METTL2B: variants seen among roughly 807,000 people sequenced by gnomAD.
The protein encoded by METTL2B is tRNA N(3)-cytidine methyltransferase METTL2B.
In METTL2B, 28 loss-of-function variants were observed where a neutral mutation model predicts 51.0. The observed-to-expected ratio is 0.55, with a 90% confidence interval of 0.41 to 0.75. The LOEUF (loss-of-function observed/expected upper bound fraction) is 0.75. METTL2B is among the 30% of genes least tolerant of loss of function. METTL2B has a pLI of 0.00. For missense variants in METTL2B, 313 were observed against 460.7 expected (o/e 0.68, Z 2.93); for synonymous variants, 128 against 166.3 (o/e 0.77, Z 1.77).
At position 128,500,988 on chromosome 7, in the gene METTL2B, T is replaced by C; in HGVS notation, c.982+20T>C. The C allele has an allele frequency of 2.5e-6, 4 of 1,614,026 alleles. No homozygotes were observed. Among genetic ancestry groups the C allele is most frequent in the Non-Finnish European group, 3.4e-6 (4 of 1,179,958 alleles). Reference sequence around the variant, plus strand: ...CACAAGGTATGAAACACTCATCTTTTTACGCTAAAAGTCCCCAGTACCAGA... The same window carrying C: ...CACAAGGTATGAAACACTCATCTTTCTACGCTAAAAGTCCCCAGTACCAGA... On this transcript the variant is annotated intron_variant, in intron 8 of 8. Transcript: ENST00000262432.
At chr7:128,495,312 A>G (rs1338524180) in intron 6 of METTL2B, among the ~76,000 whole-genome samples, 2 of 152,258 alleles carry the variant, frequency 1.3e-5, no homozygotes, top group East Asian at 3.8e-4. Flanking sequence ...TGATGCTTAC[A>G]GTGTTTTAGA....
In METTL2B at chr7:128,479,495, C is replaced by G. The variant is rs763984796; in HGVS notation, c.540C>G (p.Ala180=). 6.2e-7 allele frequency: 1 copy of G among 1,613,772 alleles called. No homozygotes were observed. The highest frequency in any genetic ancestry group is 8.5e-7 in the Non-Finnish European group (1 of 1,179,782). ...ICADEFPGSS[A]TYRILEVGCG... is the part of the protein sequence containing the mutation. ...CTGATGAGTTTCCTGGATCCTCAGC[C>G]ACCTACCGAATACTGGAGGTAACCT... is the stretch of plus-strand genomic sequence containing the variant. Residue 180 remains alanine (A), a synonymous_variant, in exon 3 of 9, where the codon GCC becomes GCG. Coordinates refer to ENST00000262432, the MANE Select transcript of METTL2B (RefSeq NM_018396.3).
At chr7:128,481,655 A>C (rs1264264875) in intron 4 of METTL2B, among the ~76,000 whole-genome samples, 1 of 151,726 alleles carries the variant, frequency 6.6e-6, no homozygotes, top group Non-Finnish European at 1.5e-5. Flanking sequence ...GTTTTTTTTT[A>C]GTTTTGAGAC....
Position 128,501,894 on chromosome 7 carries a change from C to G in METTL2B, c.1115C>G (p.Pro372Arg), listed in dbSNP as rs752008206. Residue 372 changes from proline to arginine, a missense_variant, in exon 9 of 9, where the codon CCC (proline) becomes CGC (arginine). Coordinates refer to ENST00000262432, the MANE Select transcript of METTL2B (RefSeq NM_018396.3). ...RVWIQCKYCK[P>R]LLSSTS ...TGGATTCAGTGCAAATACTGCAAGC[C>G]CCTTCTGTCCAGCACCAGCTAAGAG... 40 of 1,613,994 alleles carry G rather than the reference C, an allele frequency of 2.5e-5. No homozygotes were observed. In the East Asian group the frequency reaches 8.9e-4, roughly 36 times the overall value.
chr7:128,482,289 G>A (rs147057290), intron 4 of METTL2B, among the ~76,000 whole-genome samples: 3 of 152,048 alleles, frequency 2.0e-5, no homozygotes, highest in African/African-American at 7.2e-5. Context: ...TAGTAGCTGG[G>A]ATTAAGGGTG....
At chr7:128,485,210 C>G (rs551063434) in intron 4 of METTL2B, among the ~76,000 whole-genome samples, 3 of 152,252 alleles carry the variant, frequency 2.0e-5, no homozygotes, top group Admixed American at 6.5e-5. Context: ...TTTTCTGCAT[C>G]CGAGGATTCA....
chr7:128,483,605 G>A (rs1375715083), intron 4 of METTL2B, among the ~76,000 whole-genome samples: 4 of 152,152 alleles, frequency 2.6e-5, no homozygotes, highest in African/African-American at 4.8e-5. Context: ...GCAGTGATTC[G>A]ATCTCGGCTA....
At chr7:128,483,200 C>T (rs1451482225) in intron 4 of METTL2B, 1 of 152,210 alleles carries the variant, frequency 6.6e-6, no homozygotes, top group Non-Finnish European at 1.5e-5. Flanking sequence ...TAGATGGCAT[C>T]TTTGCCACAG....
chr7:128,488,346 T>C, intron 5 of METTL2B, 185 bp downstream of exon 5: 1 of 896,642 alleles, frequency 1.1e-6, no homozygotes, highest in Non-Finnish European at 1.8e-6. Flanking sequence ...ACTGTACAGA[T>C]GTCATATCTG....
chr7:128,495,094 T>TG (rs1398605015), intron 6 of METTL2B, among the ~76,000 whole-genome samples: 1 of 151,800 alleles, frequency 6.6e-6, no homozygotes, highest in Non-Finnish European at 1.5e-5. Flanking sequence ...TTTGTATTTT[T>TG]TTTTTTTTAG....
chr7:128,501,001 C>G (rs565774094), intron 8 of METTL2B, 33 bp downstream of exon 8: 2 of 1,613,492 alleles, frequency 1.2e-6, no homozygotes, highest in Non-Finnish European at 1.7e-6. Flanking sequence ...CGCTAAAAGT[C>G]CCCAGTACCA....
intron 5 of METTL2B, chr7:128,488,719 G>T: frequency 3.3e-6 from 1 of 304,708 alleles, no homozygotes; most frequent in South Asian, 3.0e-5. Flanking sequence ...GTGAAAGGAA[G>T]AGTTTCACCA....
chr7:128,489,456 GA>G (rs920953522), intron 5 of METTL2B, among the ~76,000 whole-genome samples: 13 of 150,252 alleles, frequency 8.7e-5, no homozygotes, highest in African/African-American at 2.2e-4. Flanking sequence ...AAGGGAGAAA[GA>G]AAAAAAATAG....
chr7:128,501,014 T>C, intron 8 of METTL2B, 46 bp downstream of exon 8: 1 of 1,612,940 alleles, frequency 6.2e-7, no homozygotes, highest in South Asian at 1.1e-5. Context: ...CAGTACCAGA[T>C]GGTCTTCAAG....
intron 6 of METTL2B, among the ~76,000 whole-genome samples, chr7:128,497,012 ATC>A (rs1436298801): frequency 4.6e-5 from 7 of 151,814 alleles, no homozygotes; most frequent in African/African-American, 1.7e-4. Flanking sequence ...CGAACTCCTG[ATC>A]TCAGGTGATC....
intron 6 of METTL2B, among the ~76,000 whole-genome samples, chr7:128,496,910 A>G (rs1792932921): frequency 6.6e-6 from 1 of 152,056 alleles, no homozygotes; most frequent in Non-Finnish European, 1.5e-5. Context: ...CATCCCAAGT[A>G]GCTGGGATTA....
chr7:128,500,662 A>G (rs1254070234), intron 7 of METTL2B, among the ~76,000 whole-genome samples: 3 of 151,356 alleles, frequency 2.0e-5, no homozygotes, highest in African/African-American at 7.3e-5. Context: ...TGTTAGTTTA[A>G]TAGGGTTGGG....
chr7:128,483,247 G>T (rs892060470), intron 4 of METTL2B: 4 of 152,202 alleles, frequency 2.6e-5, no homozygotes, highest in African/African-American at 9.6e-5. Context: ...GCTGTGTTCA[G>T]TATCTTACTA....
intron 4 of METTL2B, among the ~76,000 whole-genome samples, chr7:128,485,665 C>A (rs868041585): frequency 2.8e-3 from 361 of 130,520 alleles, no homozygotes; most frequent in Middle Eastern, 3.9e-3. Context: ...GACTCCGTCT[C>A]AAAAAAAAAA....
Sources: gnomAD v4.1 joint callset for allele counts (sites outside exome capture counted in the v4.1 genomes callset) on GRCh38, gnomAD v4.1.1 for gene constraint, MANE v1.5 for transcripts, NCBI Gene and HGNC (gene_info 2026-07-23, HGNC 2026-07-21) for gene names.